The following ZNF461 variants were observed in gnomAD, a reference collection of about 807,000 sequenced individuals.
ZNF461 encodes the protein gonadotropin-inducible ovarian transcription factor-1.
Under a neutral mutation model 18.3 loss-of-function variants are expected in ZNF461, and 16 were observed. That is an observed-to-expected ratio of 0.88 (90% CI 0.59 to 1.33). The LOEUF (loss-of-function observed/expected upper bound fraction) is 1.33. Ranked by LOEUF, ZNF461 falls within the 40% of genes most tolerant of loss-of-function variation. The pLI is 0.00. For synonymous variants in ZNF461, 179 were observed against 216.9 expected, an observed-to-expected ratio of 0.83 and a Z score of 1.54; for missense variants, 595 against 669.9, an observed-to-expected ratio of 0.89 and a Z score of 1.23.
chr19:36,658,384 C>T lies in ZNF461; in HGVS notation c.51G>A (p.Gln17=). Residue 17 remains glutamine, a synonymous_variant, in exon 3 of 6, where the codon CAG becomes CAA. Transcript: ENST00000588268. ...MFRDVAIDVS[Q]EEWECLNPAQ... The stretch of plus-strand genomic sequence containing the variant: ...CTGGGTTCAGGCATTCCCATTCCTC[C>T]TGAGAGACATCTATAGCCACATCTC... 6.2e-7 allele frequency: 1 copy of T among 1,611,570 alleles called. No individual in the cohort carries two copies. The highest frequency in any genetic ancestry group is 1.1e-5 in the South Asian group (1 of 90,636).
intron 5 of ZNF461, 69 bp from the exon 6 acceptor site, chr19:36,640,112 C>T (rs898862232): frequency 1.5e-6 from 2 of 1,315,040 alleles, no homozygotes; most frequent in Non-Finnish European, 1.0e-6. Context: ...TCTATGGTAG[C>T]AATGAGAGAT....
chr19:36,643,085 A>G (rs966038102), intron 5 of ZNF461, among the ~76,000 whole-genome samples: 1 of 152,114 alleles, frequency 6.6e-6, no homozygotes, highest in Non-Finnish European at 1.5e-5. Flanking sequence ...CATGTTTACA[A>G]CAACCACTAC....
intron 2 of ZNF461, among the ~76,000 whole-genome samples, chr19:36,658,931 G>C (rs910032513): frequency 1.3e-5 from 2 of 152,120 alleles, no homozygotes. Context: ...GTGTAACCTT[G>C]ACATCCCCCT....
intron 4 of ZNF461, among the ~76,000 whole-genome samples, chr19:36,647,528 G>C (rs1213917916): frequency 6.6e-6 from 1 of 152,044 alleles, no homozygotes; most frequent in East Asian, 1.9e-4. Context: ...GACAGAGCAA[G>C]ACTCTGTCTC....
chr19:36,637,755 T>C lies in ZNF461; in HGVS notation c.*898A>G. The C allele has an allele frequency of 2.5e-6, 1 of 394,146 alleles. No homozygotes were observed. Among genetic ancestry groups the C allele is most frequent in the Non-Finnish European group, 4.9e-6 (1 of 202,846 alleles). The allele number at this position is 394,146 out of a possible 1,614,324, so 24.4% of individuals were successfully genotyped here. A position where few individuals can be genotyped will look rare whatever the true frequency, so the allele number is the denominator to read the frequency against. On this transcript the variant is annotated 3_prime_UTR_variant, in exon 6 of 6. Coordinates refer to ENST00000588268, the MANE Select transcript of ZNF461 (RefSeq NM_153257.5). ...TGTGTAATAAATCACATATTATGAA[T>C]AACCTACTTTTGTCCAAAGAATTTA...
rs138890970 is a variant in ZNF461 at position 36,644,175 on chromosome 19, C to T, written c.233-313G>A. Among the ~76,000 whole-genome samples, 122 of 152,124 alleles carry T rather than the reference C, an allele frequency of 8.0e-4. 1 individual carries two copies. The East Asian group carries it at 0.019, about 23-fold the overall frequency. ...CTTGAACTCCTGACCTCAGGTGATC[C>T]GCCCACCTCGGCCTCCCAAAGTGCT... On this transcript the variant is annotated intron_variant, in intron 4 of 5. Transcript: ENST00000588268.
intron 4 of ZNF461, 139 bp from the exon 5 acceptor site, chr19:36,644,001 C>G: frequency 1.6e-6 from 1 of 635,594 alleles, no homozygotes; most frequent in East Asian, 4.3e-5. Flanking sequence ...CACACAATCT[C>G]AGCTCACTGC....
intron 5 of ZNF461, among the ~76,000 whole-genome samples, chr19:36,640,438 A>AT (rs1047241852): frequency 6.6e-6 from 1 of 152,098 alleles, no homozygotes; most frequent in Non-Finnish European, 1.5e-5. Context: ...CCAAATATCT[A>AT]TTTTTTTCCC....
chr19:36,662,441 G>A (rs1052380273), intron 2 of ZNF461, among the ~76,000 whole-genome samples: 6 of 151,454 alleles, frequency 4.0e-5, no homozygotes, highest in Non-Finnish European at 8.8e-5. Flanking sequence ...ATTTTTAGTA[G>A]AGATGGGGAT....
At chr19:36,645,105 G>C (rs1324050492) in intron 4 of ZNF461, 1 of 152,752 alleles carries the variant, frequency 6.5e-6, no homozygotes, top group East Asian at 1.9e-4. Flanking sequence ...GTGTGTACCT[G>C]TGGTCCCAGC....
At chr19:36,656,596 C>T in intron 3 of ZNF461, 53 bp from the exon 4 acceptor site, 1 of 1,400,624 alleles carries the variant, frequency 7.1e-7, no homozygotes, top group African/African-American at 1.4e-5. Context: ...TATCCAAATA[C>T]AGTGATTTAG....
intron 4 of ZNF461, among the ~76,000 whole-genome samples, chr19:36,653,011 A>T (rs1468513965): frequency 6.6e-6 from 1 of 152,224 alleles, no homozygotes; most frequent in African/African-American, 2.4e-5. Context: ...CCATTAAGGA[A>T]ATTCAAAATT....
At chr19:36,650,423 A>G (rs1169495139) in intron 4 of ZNF461, among the ~76,000 whole-genome samples, 3 of 152,170 alleles carry the variant, frequency 2.0e-5, no homozygotes, top group Admixed American at 2.0e-4. Context: ...TAGTCCTACA[A>G]CTATTAAATA....
intron 2 of ZNF461, among the ~76,000 whole-genome samples, chr19:36,662,951 A>C (rs546274441): frequency 1.3e-5 from 2 of 152,132 alleles, no homozygotes; most frequent in Non-Finnish European, 2.9e-5. Context: ...AATTTTGTCT[A>C]CTTGGCCTGG....
chr19:36,664,858 TG>T, intron 1 of ZNF461, 72 bp from the exon 2 acceptor site: 1 of 512,754 alleles, frequency 2.0e-6, no homozygotes, highest in Admixed American at 3.7e-5. Flanking sequence ...TAATTCAGAA[TG>T]ACATTTTTCT....
chr19:36,640,478 C>A lies in ZNF461; in HGVS notation c.302-435G>T, dbSNP rs79987672. On this transcript the variant is annotated intron_variant, in intron 5 of 5. Coordinates refer to ENST00000588268, the MANE Select transcript of ZNF461 (RefSeq NM_153257.5). The stretch of plus-strand genomic sequence containing the variant: ...TAAAAAATATCAATTGAACCCATGG[C>A]TTTTTATTTGAGAATAAAGCTGCCA... 5.5e-3 allele frequency among the ~76,000 whole-genome samples: 835 copies of A among 152,270 alleles called. 23 individuals carry two copies. The highest frequency in any genetic ancestry group is 0.037 in the Admixed American group (566 of 15,290).
chr19:36,656,418 T>C, intron 4 of ZNF461, 30 bp downstream of exon 4: 6 of 1,585,472 alleles, frequency 3.8e-6, no homozygotes, highest in Non-Finnish European at 5.2e-6. Flanking sequence ...GCCTGCTCTC[T>C]GCAAGAGCTT....
chr19:36,653,717 A>T (rs1445449673), intron 4 of ZNF461, among the ~76,000 whole-genome samples: 4 of 152,210 alleles, frequency 2.6e-5, no homozygotes, highest in Admixed American at 6.5e-5. Flanking sequence ...CCATGATTCA[A>T]TTATTTCCCA....
In ZNF461 at chr19:36,638,570, T is replaced by C; in HGVS notation, c.*83A>G. The C allele has an allele frequency of 9.7e-7, 1 of 1,031,672 alleles. No individual in the cohort carries two copies. Among genetic ancestry groups the C allele is most frequent in the East Asian group, 2.6e-5 (1 of 37,970 alleles). 63.9% of individuals were successfully genotyped at this position (1,031,672 alleles called of 1,614,324 possible). ...ATTTGATTTTCAAGGATTATTTAAA[T>C]AAATAAATACTAATGAAACTGGTGG... On this transcript the variant is annotated 3_prime_UTR_variant, in exon 6 of 6. Transcript: ENST00000588268.
Sources: gnomAD v4.1 joint callset for allele counts (sites outside exome capture counted in the v4.1 genomes callset) on GRCh38, gnomAD v4.1.1 for gene constraint, MANE v1.5 for transcripts, NCBI Gene and HGNC (gene_info 2026-07-23, HGNC 2026-07-21) for gene names.